ENO4: variants seen among roughly 807,000 people sequenced by gnomAD.
ENO4 encodes enolase 4, also known as 2-phospho-D-glycerate hydro-lyase.
A neutral mutation model predicts 63.2 loss-of-function variants in ENO4; 53 were observed. The observed-to-expected ratio is 0.84, with a 90% confidence interval of 0.67 to 1.05. ENO4 has a LOEUF of 1.05. Among genes scored for constraint, ENO4 ranks in the 50% least tolerant of loss-of-function variants. ENO4 has a pLI of 0.00. For synonymous variants in ENO4, 266 were observed against 283.8 expected (o/e 0.94, Z 0.63); for missense variants, 719 against 772.0 (o/e 0.93, Z 0.81).
intron 9 of ENO4, among the ~76,000 whole-genome samples, chr10:116,872,905 C>A (rs138268566): frequency 2.6e-5 from 4 of 152,032 alleles, no homozygotes; most frequent in Non-Finnish European, 4.4e-5. Flanking sequence ...TCTAAAGAAA[C>A]TAAGCACATA....
rs61521681 is a variant in ENO4, at chr10:116,875,586, C to CACACACACACAA, written c.1342-478_1342-477insCACACACACAAA. On this transcript the variant is annotated intron_variant, in intron 10 of 13. Transcript: ENST00000341276. Reference sequence around the variant, plus strand: ...TCACACACACACACACACACACACACATGCACATGTATGTGTATAATTTTA... The same window carrying CACACACACACAA: ...TCACACACACACACACACACACACACACACACACACAAATGCACATGTATGTGTATAATTTTA... Among the ~76,000 whole-genome samples the CACACACACACAA allele has an allele frequency of 4.7e-5, 7 of 149,754 alleles. No individual in the cohort carries two copies. In the Admixed American group the frequency reaches 4.7e-4, roughly 10 times the overall value.
intron 9 of ENO4, 98 bp downstream of exon 9, chr10:116,871,390 A>G (rs1846691552): frequency 9.1e-7 from 1 of 1,104,520 alleles, no homozygotes. Flanking sequence ...TTGTCCAAAC[A>G]GATCTTATTG....
At chr10:116,860,572 G>T (rs1307731324) in intron 4 of ENO4, among the ~76,000 whole-genome samples, 1 of 152,114 alleles carries the variant, frequency 6.6e-6, no homozygotes, top group Non-Finnish European at 1.5e-5. Context: ...ATTGATGAAG[G>T]AATTAATATT....
At chr10:116,858,949 C>A in intron 3 of ENO4, 41 bp from the exon 4 acceptor site, 1 of 1,346,408 alleles carries the variant, frequency 7.4e-7, no homozygotes, top group Non-Finnish European at 1.0e-6. Flanking sequence ...AGTGATATTC[C>A]TAAATATCCC....
chr10:116,878,742 C>CT (rs10635577), intron 11 of ENO4, among the ~76,000 whole-genome samples: 20,118 of 113,548 alleles, frequency 0.18, 2,560 homozygotes, highest in East Asian at 0.38. Context: ...AATCATATAT[C>CT]TTTTTTTTTT....
chr10:116,856,933 G>T (rs1846278220), intron 3 of ENO4, among the ~76,000 whole-genome samples: 1 of 151,370 alleles, frequency 6.6e-6, no homozygotes, highest in South Asian at 2.1e-4. Flanking sequence ...AGCTTGCAGT[G>T]AGCTGAGATC....
Position 116,859,122 on chromosome 10 carries a change from A to G in ENO4, c.618A>G (p.Lys206=). ...PPPPPPPPTK[K]KGQKPGRKDT... is the part of the protein sequence containing the mutation. ...CACCCCCTCCACCTCCTACCAAAAAAAAGGGGCAAAAGCCAGGTTGGTTGG... is the reference window on the plus strand; with the variant it reads ...CACCCCCTCCACCTCCTACCAAAAAGAAGGGGCAAAAGCCAGGTTGGTTGG... The change falls in exon 4 of 14, where the codon AAA becomes AAG. Residue 206 remains lysine (K), a synonymous_variant. Coordinates refer to ENST00000341276, the MANE Select transcript of ENO4 (RefSeq NM_001242699.2). 1 of 1,529,990 alleles carries G rather than the reference A, an allele frequency of 6.5e-7. No individual in the cohort carries two copies. The highest frequency in any genetic ancestry group is 8.7e-7 in the Non-Finnish European group (1 of 1,144,418). The allele number at this position is 1,529,990 out of a possible 1,614,324, so 94.8% of individuals were successfully genotyped here.
chr10:116,853,995 A>G (rs558236659), intron 1 of ENO4, among the ~76,000 whole-genome samples: 17 of 152,284 alleles, frequency 1.1e-4, no homozygotes, highest in Admixed American at 2.0e-4. Flanking sequence ...AGTCTCTCCT[A>G]GCTCCTGCTC....
chr10:116,860,902 C>T lies in ENO4; in HGVS notation c.743C>T (p.Ala248Val). ...IGAVSLAVAK[A>V]CAMLLNKPLY... is the part of the protein sequence containing the mutation. ...GCCGTGTCACTAGCTGTTGCCAAAGCCTGTGCCATGCTGCTTAATAAACCT... is the reference window on the plus strand; with the variant it reads ...GCCGTGTCACTAGCTGTTGCCAAAGTCTGTGCCATGCTGCTTAATAAACCT... The change falls in exon 5 of 14, where the codon GCC becomes GTC. Residue 248 changes from alanine to valine, a missense_variant. Physicochemically the swap from Ala to Val is moderately conservative, Grantham distance 64. Around this residue, in one of 3 missense-constraint regions of ENO4, gnomAD observed 544 missense variants for 583.6 expected, o/e 0.93. Coordinates refer to ENST00000341276, the MANE Select transcript of ENO4 (RefSeq NM_001242699.2). 6.5e-7 allele frequency: 1 copy of T among 1,549,726 alleles called. No individual in the cohort carries two copies. Among genetic ancestry groups the T allele is most frequent in the East Asian group, 2.4e-5 (1 of 40,900 alleles).
Position 116,857,675 on chromosome 10 carries a change from G to C in ENO4, c.485+993G>C, listed in dbSNP as rs191548674. Among the ~76,000 whole-genome samples, 14 of 144,286 alleles carry C rather than the reference G, an allele frequency of 9.7e-5. No individual in the cohort carries two copies. The East Asian group carries it at 2.6e-3, about 27-fold the overall frequency. The allele number at this position is 144,286 out of a possible 152,430, so 94.7% of individuals were successfully genotyped here. Reference sequence around the variant, plus strand: ...TTTTTTTGAGATGGAGTCTTCCTCTGTCACCCAGGCTGGAGTGCAGTGGCA... The same window carrying C: ...TTTTTTTGAGATGGAGTCTTCCTCTCTCACCCAGGCTGGAGTGCAGTGGCA... On this transcript the variant is annotated intron_variant, in intron 3 of 13. Coordinates refer to ENST00000341276, the MANE Select transcript of ENO4 (RefSeq NM_001242699.2).
intron 6 of ENO4, among the ~76,000 whole-genome samples, chr10:116,862,133 G>A (rs953617753): frequency 6.6e-6 from 1 of 152,142 alleles, no homozygotes; most frequent in Admixed American, 6.5e-5. Context: ...CTCTAATCCA[G>A]ACTACCTTGG....
At chr10:116,869,183 G>A (rs1239455655) in intron 8 of ENO4, among the ~76,000 whole-genome samples, 1 of 152,220 alleles carries the variant, frequency 6.6e-6, no homozygotes, top group Admixed American at 6.5e-5. Context: ...CCAGGAGAGT[G>A]AGGCGAACAG....
chr10:116,876,672 C>T (rs1250778159), intron 11 of ENO4, among the ~76,000 whole-genome samples: 4 of 152,320 alleles, frequency 2.6e-5, no homozygotes, highest in South Asian at 2.1e-4. Context: ...GAAACCTGGC[C>T]GGGCGCAGTG....
intron 9 of ENO4, chr10:116,873,847 G>T (rs1484004104): frequency 1.0e-6 from 1 of 984,522 alleles, no homozygotes; most frequent in African/African-American, 1.7e-5. Flanking sequence ...TCTGAAGTCT[G>T]TGGGAAGAAC....
chr10:116,852,216 G>C (rs1846110110), intron 1 of ENO4, among the ~76,000 whole-genome samples: 1 of 152,172 alleles, frequency 6.6e-6, no homozygotes, highest in African/African-American at 2.4e-5. Flanking sequence ...TAAGTTTCCT[G>C]AGGCCTCTGC....
chr10:116,855,500 T>A, intron 1 of ENO4, 123 bp from the exon 2 acceptor site: 1 of 1,235,494 alleles, frequency 8.1e-7, no homozygotes, highest in Non-Finnish European at 1.1e-6. Context: ...CGCGGAGAGG[T>A]TTGGTAGAAA....
rs1374265613 is a variant in ENO4 at position 116,902,079 on chromosome 10, C to G, written c.1195-9420C>G. The G allele has an allele frequency of 4.9e-6, 4 of 822,744 alleles. No homozygotes were observed. The East Asian group carries it at 1.2e-4, about 25-fold the overall frequency. 51.0% of individuals were successfully genotyped at this position (822,744 alleles called of 1,614,324 possible). On this transcript the variant is annotated intron_variant, in intron 10 of 10. Transcript: ENST00000369207. ...GAAAAGGCCAAGTTTGTTAAAATTTCAAGAGCATGCTGGAAAATGTTGTTG... is the reference window on the plus strand; with the variant it reads ...GAAAAGGCCAAGTTTGTTAAAATTTGAAGAGCATGCTGGAAAATGTTGTTG...
chr10:116,856,563 G>A lies in ENO4; in HGVS notation c.366G>A (p.Ala122=), dbSNP rs942093828. The A allele has an allele frequency of 2.8e-5, 43 of 1,536,042 alleles. No homozygotes were observed. The highest frequency in any genetic ancestry group is 9.8e-5 in the Admixed American group (5 of 50,984). Residue 122 remains alanine (A), a synonymous_variant, in exon 3 of 14, where the codon GCG becomes GCA. Coordinates refer to ENST00000341276, the MANE Select transcript of ENO4 (RefSeq NM_001242699.2). ...HENALPELAK[A]EEAERASAVS... ...ATGCTCTGCCCGAGCTGGCCAAGGCGGAGGAGGCAGAGAGGGCCAGCGCGG... is the reference window on the plus strand; with the variant it reads ...ATGCTCTGCCCGAGCTGGCCAAGGCAGAGGAGGCAGAGAGGGCCAGCGCGG...
downstream of ENO4, chr10:116,884,806 C>A (rs952292042): frequency 6.4e-6 from 1 of 155,852 alleles, no homozygotes; most frequent in Admixed American, 6.1e-5. Context: ...TAATGGGAAA[C>A]TATTGGTGCC....
Sources: allele counts gnomAD v4.1 joint callset (sites outside exome capture counted in the v4.1 genomes callset), GRCh38; gene constraint gnomAD v4.1.1; regional missense constraint gnomAD v4.1.1; transcripts MANE v1.5; gene names NCBI Gene and HGNC (gene_info 2026-07-23, HGNC 2026-07-21).